The following ALDH18A1 variants were observed in gnomAD, a reference collection of about 807,000 sequenced individuals.
ALDH18A1 encodes aldehyde dehydrogenase 18 family member A1.
Under a neutral mutation model 88.8 loss-of-function variants are expected in ALDH18A1, and 44 were observed. The observed-to-expected ratio is 0.50, with a 90% confidence interval of 0.39 to 0.64. The LOEUF is 0.64. ALDH18A1 is among the 30% of genes least tolerant of loss of function. The pLI, the probability that ALDH18A1 is intolerant of heterozygous loss-of-function variation, is 0.00. For synonymous variants in ALDH18A1, 331 were observed against 372.1 expected, an observed-to-expected ratio of 0.89 and a Z score of 1.27; for missense variants, 782 against 1,009.5, an observed-to-expected ratio of 0.77 and a Z score of 3.05.
chr10:95,649,448 G>A (rs1238508882), intron 2 of ALDH18A1, among the ~76,000 whole-genome samples: 1 of 146,822 alleles, frequency 6.8e-6, no homozygotes, highest in African/African-American at 2.5e-5. Context: ...TCCTCCTCCC[G>A]GGTTAATGCC....
intron 17 of ALDH18A1, among the ~76,000 whole-genome samples, chr10:95,609,767 C>CTTTTTTT (rs1193875091): frequency 6.5e-5 from 2 of 30,690 alleles, no homozygotes; most frequent in Non-Finnish European, 8.8e-5. Context: ...AAGTCTGTCT[C>CTTTTTTT]TATTTTTTTT....
intron 3 of ALDH18A1, among the ~76,000 whole-genome samples, chr10:95,639,289 C>T (rs1566034394): frequency 1.3e-5 from 2 of 152,136 alleles, no homozygotes; most frequent in East Asian, 3.9e-4. Context: ...ATGATTACAC[C>T]ACTGCATTCC....
rs2097918709 is a variant in ALDH18A1, at chr10:95,656,681, TC to T, written c.-114del. On this transcript the variant is annotated 5_prime_UTR_variant, in exon 1 of 18. Coordinates refer to ENST00000371224, the MANE Select transcript of ALDH18A1 (RefSeq NM_002860.4). ...GGCTGATTCCGGCGCTCGCTCACTC[TC>T]TTTTTTCTTCCGTCCACGTCCCGCA... 6.6e-6 allele frequency: 1 copy of T among 152,612 alleles called. No individual in the cohort carries two copies. 9.5% of individuals were successfully genotyped at this position (152,612 alleles called of 1,614,324 possible).
At chr10:95,617,510 CAG>C (rs1048404588) in intron 12 of ALDH18A1, among the ~76,000 whole-genome samples, 78 of 152,238 alleles carry the variant, frequency 5.1e-4, no homozygotes, top group Non-Finnish European at 2.5e-4. Context: ...CTGCTGAGAA[CAG>C]AGTCTTTTTC....
chr10:95,651,042 A>C (rs370482004), intron 2 of ALDH18A1, among the ~76,000 whole-genome samples: 26 of 152,258 alleles, frequency 1.7e-4, no homozygotes, highest in East Asian at 1.2e-3. Flanking sequence ...CTGAGGCAGG[A>C]GAATCGCTTG....
At chr10:95,622,920 T>A (rs902778130) in intron 11 of ALDH18A1, among the ~76,000 whole-genome samples, 2 of 152,094 alleles carry the variant, frequency 1.3e-5, no homozygotes, top group African/African-American at 4.8e-5. Context: ...TTCATATATA[T>A]ACATGTATAT....
chr10:95,610,149 C>G (rs749048624), intron 17 of ALDH18A1, 48 bp downstream of exon 17: 2 of 1,569,650 alleles, frequency 1.3e-6, no homozygotes, highest in Admixed American at 1.7e-5. Context: ...CTAGACCACA[C>G]AGTGCTTCAC....
chr10:95,655,935 A>C (rs1386647835), intron 1 of ALDH18A1, among the ~76,000 whole-genome samples: 1 of 152,158 alleles, frequency 6.6e-6, no homozygotes, highest in Non-Finnish European at 1.5e-5. Context: ...ATGGCTCACC[A>C]CTTAAATACA....
In ALDH18A1 at chr10:95,612,497, C is replaced by T. The variant is rs116342002; in HGVS notation, c.1924-1055G>A. 3.1e-3 allele frequency among the ~76,000 whole-genome samples: 465 copies of T among 152,276 alleles called. 2 individuals are homozygous for T. The highest frequency in any genetic ancestry group is 0.011 in the African/African-American group (437 of 41,558). On this transcript the variant is annotated intron_variant, in intron 15 of 17. Transcript: ENST00000371224. ...GGTGTCTGCCTTATCCTCATGATTC[C>T]CGAGGCCCTGCCATTGTTTCTTATC... is the stretch of plus-strand genomic sequence containing the variant.
intron 13 of ALDH18A1, among the ~76,000 whole-genome samples, chr10:95,614,994 C>T (rs1304198386): frequency 1.3e-5 from 2 of 152,136 alleles, no homozygotes; most frequent in Non-Finnish European, 2.9e-5. Context: ...TGACAGGCAA[C>T]ATAAACGTGT....
chr10:95,617,380 A>G (rs947611626), intron 12 of ALDH18A1, among the ~76,000 whole-genome samples: 1 of 152,260 alleles, frequency 6.6e-6, no homozygotes, highest in African/African-American at 2.4e-5. Flanking sequence ...GAGGCTGGGC[A>G]GCTCCTCTGG....
At chr10:95,611,552 G>A (rs1340799027) in intron 15 of ALDH18A1, 110 bp from the exon 16 acceptor site, 3 of 1,289,550 alleles carry the variant, frequency 2.3e-6, no homozygotes, top group Non-Finnish European at 3.4e-6. Context: ...AGTGGCTCCT[G>A]TAGCCTCAAC....
At position 95,632,972 on chromosome 10, in the gene ALDH18A1, A is replaced by G; in HGVS notation, c.795T>C (p.Leu265=). 1 of 1,614,156 alleles carries G rather than the reference A, an allele frequency of 6.2e-7. No individual in the cohort carries two copies. The highest frequency in any genetic ancestry group is 1.6e-4 in the Middle Eastern group (1 of 6,062). The stretch of plus-strand genomic sequence containing the variant: ...ATTACTTTGTACCTTCTACATCTGA[A>G]AGAACAATCAAGAGATCAGTTTTCA... The part of the protein sequence containing the change: ...VEMKTDLLIV[L]SDVEGLFDSP... The change falls in exon 7 of 18, where the codon CTT becomes CTC. Residue 265 remains leucine, a synonymous_variant. Coordinates refer to ENST00000371224, the MANE Select transcript of ALDH18A1 (RefSeq NM_002860.4).
chr10:95,625,214 C>A, intron 11 of ALDH18A1, 148 bp downstream of exon 11: 1 of 772,450 alleles, frequency 1.3e-6, no homozygotes, highest in Non-Finnish European at 2.3e-6. Context: ...CAGCCACCCA[C>A]CTACCCTCAA....
At chr10:95,649,960 T>C (rs1472181742) in intron 2 of ALDH18A1, among the ~76,000 whole-genome samples, 1 of 151,866 alleles carries the variant, frequency 6.6e-6, no homozygotes, top group African/African-American at 2.4e-5. Context: ...CCTGGGAGGC[T>C]GACATAGGAG....
At chr10:95,616,670 T>G in intron 12 of ALDH18A1, 56 bp from the exon 13 acceptor site, 1 of 1,570,168 alleles carries the variant, frequency 6.4e-7, no homozygotes, top group East Asian at 2.3e-5. Flanking sequence ...ATAGCAACAG[T>G]GATGTTAGCA....
Position 95,653,416 on chromosome 10 carries a change from C to A in ALDH18A1, c.-28-11G>T. The A allele has an allele frequency of 6.2e-7, 1 of 1,605,758 alleles. No homozygotes were observed. Among genetic ancestry groups the A allele is most frequent in the Non-Finnish European group, 8.5e-7 (1 of 1,172,820 alleles). Reference sequence around the variant, plus strand: ...CACTAACCAAAGTATCTGCAGAATACATTTTTTAAAAAGTGAGTAATGAAA... The same window carrying A: ...CACTAACCAAAGTATCTGCAGAATAAATTTTTTAAAAAGTGAGTAATGAAA... On this transcript the variant is annotated splice_polypyrimidine_tract_variant and intron_variant, in intron 1 of 17. Transcript: ENST00000371224.
chr10:95,637,967 A>AAACAACAACAACAAC (rs140422812), intron 3 of ALDH18A1, among the ~76,000 whole-genome samples: 1 of 150,192 alleles, frequency 6.7e-6, no homozygotes, highest in Non-Finnish European at 1.5e-5. Flanking sequence ...GCTGTCTCAA[A>AAACAACAACAACAAC]AACAACAACA....
chr10:95,622,103 TA>T (rs1210406715), intron 11 of ALDH18A1, among the ~76,000 whole-genome samples: 4 of 152,220 alleles, frequency 2.6e-5, no homozygotes, highest in Admixed American at 6.5e-5. Context: ...ATGAGTGAAT[TA>T]TTTTTATAAT....
Sources: gnomAD v4.1 joint callset for allele counts (sites outside exome capture counted in the v4.1 genomes callset) on GRCh38, gnomAD v4.1.1 for gene constraint, MANE v1.5 for transcripts, NCBI Gene and HGNC (gene_info 2026-07-23, HGNC 2026-07-21) for gene names.